Variants in RELN observed in about 807,000 individuals in gnomAD.
RELN encodes reelin.
A neutral mutation model predicts 427.6 loss-of-function variants in RELN; 108 were observed. The observed-to-expected ratio is 0.25, with a 90% CI of 0.22 to 0.30. The LOEUF is 0.30. RELN is among the 10% of genes least tolerant of loss of function. RELN has a pLI of 1.00. For synonymous variants in RELN, 1,524 were observed against 1,513.4 expected, an observed-to-expected ratio of 1.01 and a Z score of -0.16; for missense variants, 3,715 against 4,302.8, an observed-to-expected ratio of 0.86 and a Z score of 3.82.
At chr7:103,692,198 C>T (rs911832205) in intron 10 of RELN, among the ~76,000 whole-genome samples, 1 of 152,180 alleles carries the variant, frequency 6.6e-6, no homozygotes, top group East Asian at 1.9e-4. Context: ...AGTGGGATCA[C>T]GAAGGGGCAA....
In RELN at chr7:103,510,892, G is replaced by C. The variant is rs1374690790; in HGVS notation, c.8233C>G (p.His2745Asp). Residue 2745 changes from histidine (H) to aspartate (D), a missense_variant, in exon 51 of 65, where the codon CAT becomes GAT. Coordinates refer to ENST00000428762, the MANE Select transcript of RELN (RefSeq NM_005045.4). ...CAGCCTTCAGTGGGAGTCAGGTCAT[G>C]GGTCACTGCATACACCTCCCGTCCA... is the stretch of plus-strand genomic sequence containing the variant. The part of the protein sequence containing the change: ...HDGREVYAVT[H>D]DLTPTEGWIM... 2 of 1,613,512 alleles carry C rather than the reference G, an allele frequency of 1.2e-6. No homozygotes were observed. The highest frequency in any genetic ancestry group is 1.7e-6 in the Non-Finnish European group (2 of 1,179,526).
chr7:103,808,765 A>G (rs374459628), intron 3 of RELN, among the ~76,000 whole-genome samples: 2 of 152,170 alleles, frequency 1.3e-5, no homozygotes, highest in Non-Finnish European at 2.9e-5. Flanking sequence ...AAAAAGAGGT[A>G]GAAATAGGAG....
At chr7:103,518,459 A>C (rs1164678961) in intron 49 of RELN, among the ~76,000 whole-genome samples, 1 of 147,094 alleles carries the variant, frequency 6.8e-6, no homozygotes, top group Non-Finnish European at 1.5e-5. Flanking sequence ...CAGCCTCCTG[A>C]GTAGCTGGGA....
chr7:103,861,859 G>A (rs972978835), intron 2 of RELN, among the ~76,000 whole-genome samples: 3 of 152,138 alleles, frequency 2.0e-5, no homozygotes, highest in Admixed American at 6.5e-5. Context: ...AGGAAAGCTG[G>A]GAGGCATGAT....
At chr7:103,541,524 A>G (rs546508570) in intron 43 of RELN, among the ~76,000 whole-genome samples, 13 of 152,256 alleles carry the variant, frequency 8.5e-5, no homozygotes, top group Non-Finnish European at 1.8e-4. Flanking sequence ...CAATATATGC[A>G]AATCCTACAC....
At chr7:103,919,002 G>A (rs1031527590) in intron 1 of RELN, among the ~76,000 whole-genome samples, 1 of 152,038 alleles carries the variant, frequency 6.6e-6, no homozygotes, top group Non-Finnish European at 1.5e-5. Context: ...GCTTGCTAGA[G>A]TTCAGAATTT....
chr7:103,551,403 GCTGAAATATTTAATA>G (rs1248766386), intron 40 of RELN, 107 bp from the exon 41 acceptor site: 3 of 785,264 alleles, frequency 3.8e-6, no homozygotes, highest in Non-Finnish European at 4.3e-6. Context: ...GAACTGTCTT[GCTGAAATATTTAATA>G]CTATAAAATT....
intron 6 of RELN, among the ~76,000 whole-genome samples, chr7:103,737,772 A>G (rs557711014): frequency 6.6e-6 from 1 of 152,166 alleles, no homozygotes; most frequent in Admixed American, 6.6e-5. Flanking sequence ...CGGTCCTGTA[A>G]TATTGTCATT....
At chr7:103,596,248 A>C (rs1303562983) in intron 25 of RELN, among the ~76,000 whole-genome samples, 2 of 152,188 alleles carry the variant, frequency 1.3e-5, no homozygotes, top group African/African-American at 4.8e-5. Flanking sequence ...GCTTTAAAAA[A>C]TCTTTAAAAA....
At chr7:103,771,168 C>T (rs1791560455) in intron 4 of RELN, among the ~76,000 whole-genome samples, 3 of 151,620 alleles carry the variant, frequency 2.0e-5, no homozygotes, top group South Asian at 4.2e-4. Flanking sequence ...CTGCCCGCCT[C>T]GGCCTCCCAA....
intron 11 of RELN, among the ~76,000 whole-genome samples, chr7:103,681,313 A>G (rs1833648350): frequency 6.6e-6 from 1 of 152,196 alleles, no homozygotes; most frequent in Non-Finnish European, 1.5e-5. Flanking sequence ...TGACACGACT[A>G]TACCTCAAAT....
rs111524629 is a variant in RELN at position 103,838,890 on chromosome 7, A to G, written c.338-5218T>C. On this transcript the variant is annotated intron_variant, in intron 2 of 64. Coordinates refer to ENST00000428762, the MANE Select transcript of RELN (RefSeq NM_005045.4). ...ACCTTGGGTGAATATGCCATAGAAC[A>G]ATATTCTTGCAATCTAACATTCTAG... Among the ~76,000 whole-genome samples, 1,291 of 152,326 alleles carry G rather than the reference A, an allele frequency of 8.5e-3. 16 individuals carry two copies. Among genetic ancestry groups the G allele is most frequent in the African/African-American group, 0.029 (1,193 of 41,566 alleles).
intron 6 of RELN, among the ~76,000 whole-genome samples, chr7:103,738,849 A>C (rs963851862): frequency 6.6e-6 from 1 of 151,442 alleles, no homozygotes; most frequent in Non-Finnish European, 1.5e-5. Context: ...TGCCCAGCTA[A>C]TTTTTGTATT....
chr7:103,879,364 C>T (rs1794555370), intron 2 of RELN, among the ~76,000 whole-genome samples: 1 of 152,164 alleles, frequency 6.6e-6, no homozygotes, highest in Admixed American at 6.6e-5. Flanking sequence ...ACAAGTCAGG[C>T]AGAGATAACT....
intron 8 of RELN, among the ~76,000 whole-genome samples, chr7:103,713,277 T>G (rs1789850956): frequency 6.6e-6 from 1 of 152,192 alleles, no homozygotes; most frequent in Non-Finnish European, 1.5e-5. Flanking sequence ...AGGAGCTGCA[T>G]GTAAACAACA....
chr7:103,518,685 C>T (rs1318036172), intron 49 of RELN, among the ~76,000 whole-genome samples: 1 of 151,782 alleles, frequency 6.6e-6, no homozygotes, highest in African/African-American at 2.4e-5. Flanking sequence ...TCAGCCTCCC[C>T]CTGGACCCTG....
intron 19 of RELN, among the ~76,000 whole-genome samples, chr7:103,634,340 A>G (rs1189298397): frequency 6.6e-6 from 1 of 152,200 alleles, no homozygotes; most frequent in African/African-American, 2.4e-5. Context: ...CTCTGATGGA[A>G]TTTTAACTTT....
chr7:103,556,132 C>T (rs937242587), intron 38 of RELN, among the ~76,000 whole-genome samples: 1 of 152,166 alleles, frequency 6.6e-6, no homozygotes. Context: ...TTTAACTTAT[C>T]ACTGAAGCAA....
At chr7:103,617,971 T>G (rs753358467) in intron 20 of RELN, among the ~76,000 whole-genome samples, 3 of 152,114 alleles carry the variant, frequency 2.0e-5, no homozygotes, top group Admixed American at 6.6e-5. Flanking sequence ...GCTCCCCTTC[T>G]CCTTCTGCCA....
Sources: allele counts gnomAD v4.1 joint callset (sites outside exome capture counted in the v4.1 genomes callset), GRCh38; gene constraint gnomAD v4.1.1; transcripts MANE v1.5; gene names NCBI Gene and HGNC (gene_info 2026-07-23, HGNC 2026-07-21).